DTWD2: variants seen among roughly 807,000 people sequenced by gnomAD.
DTWD2 encodes tRNA-uridine aminocarboxypropyltransferase 2.
A neutral mutation model predicts 31.8 loss-of-function variants in DTWD2; 39 were observed. The observed-to-expected ratio is 1.22, with a 90% CI of 0.95 to 1.60. DTWD2 has a LOEUF of 1.60. Among genes scored for constraint, DTWD2 ranks in the 40% most tolerant of loss-of-function variants. DTWD2 has a pLI of 0.00. For synonymous variants in DTWD2, 180 were observed against 142.8 expected (o/e 1.26, Z -1.86); for missense variants, 515 against 381.5 (o/e 1.35, Z -2.92).
chr5:118,920,133 G>A (rs958702475), intron 4 of DTWD2, among the ~76,000 whole-genome samples: 11 of 152,146 alleles, frequency 7.2e-5, no homozygotes, highest in African/African-American at 2.4e-4. Flanking sequence ...AAAGACTGGG[G>A]ACTGCTGGTT....
intron 5 of DTWD2, among the ~76,000 whole-genome samples, chr5:118,845,037 C>T (rs1431335388): frequency 6.6e-6 from 1 of 152,094 alleles, no homozygotes; most frequent in Non-Finnish European, 1.5e-5. Context: ...GTCCCAGCTA[C>T]TTGGGAGGCT....
rs139112751 is a variant in DTWD2, at chr5:118,982,117, G to A, written c.218+6177C>T. 5.7e-3 allele frequency among the ~76,000 whole-genome samples: 871 copies of A among 152,290 alleles called. 13 individuals carry two copies. The highest frequency in any genetic ancestry group is 0.02 in the African/African-American group (838 of 41,568). On this transcript the variant is annotated intron_variant, in intron 1 of 5. Transcript: ENST00000510708. The stretch of plus-strand genomic sequence containing the variant: ...TTAAACAAAAATGTAAAAGTACTTT[G>A]TAGCCAGTGAACTCTTTTTAAGTGA...
At chr5:118,881,488 T>C (rs1368904291) in intron 4 of DTWD2, among the ~76,000 whole-genome samples, 2 of 152,190 alleles carry the variant, frequency 1.3e-5, no homozygotes, top group Admixed American at 1.3e-4. Flanking sequence ...TTCTAGAACC[T>C]CAATATTTCT....
intron 1 of DTWD2, among the ~76,000 whole-genome samples, chr5:118,953,106 T>A (rs1344966300): frequency 6.6e-6 from 1 of 152,186 alleles, no homozygotes; most frequent in Non-Finnish European, 1.5e-5. Context: ...ACTAGACAGC[T>A]GAGCCCCAGC....
At chr5:118,946,846 T>C (rs1024629104) in intron 1 of DTWD2, among the ~76,000 whole-genome samples, 19 of 152,236 alleles carry the variant, frequency 1.2e-4, no homozygotes, top group African/African-American at 4.6e-4. Flanking sequence ...ATTCAATCGA[T>C]TCTCGTGTCT....
intron 4 of DTWD2, among the ~76,000 whole-genome samples, chr5:118,855,308 CAA>C (rs948928418): frequency 2.0e-5 from 3 of 148,288 alleles, no homozygotes; most frequent in Non-Finnish European, 4.5e-5. Context: ...AAAGAAATTC[CAA>C]AAAAAGACAG....
chr5:118,866,639 C>A (rs1752385609), intron 4 of DTWD2, among the ~76,000 whole-genome samples: 1 of 152,000 alleles, frequency 6.6e-6, no homozygotes, highest in African/African-American at 2.4e-5. Flanking sequence ...CAAATTCAGG[C>A]CGGGGGTGGT....
chr5:118,884,836 C>T, intron 4 of DTWD2, among the ~76,000 whole-genome samples: 1 of 151,544 alleles, frequency 6.6e-6, no homozygotes, highest in East Asian at 1.9e-4. Flanking sequence ...GAAACCCGGC[C>T]TCTACTTAAA....
intron 4 of DTWD2, among the ~76,000 whole-genome samples, chr5:118,886,353 A>G (rs1561441646): frequency 6.6e-6 from 1 of 152,218 alleles, no homozygotes; most frequent in Non-Finnish European, 1.5e-5. Context: ...CAGGCAACTC[A>G]ATGGACAACT....
chr5:118,988,470 A>T lies in DTWD2; in HGVS notation c.42T>A (p.Val14=). 6.2e-7 allele frequency: 1 copy of T among 1,605,634 alleles called. No homozygotes were observed. The highest frequency in any genetic ancestry group is 1.1e-5 in the South Asian group (1 of 90,386). The change falls in exon 1 of 6, where the codon GTT becomes GTA. Residue 14 remains valine (V), a synonymous_variant. Coordinates refer to ENST00000510708, the MANE Select transcript of DTWD2 (RefSeq NM_173666.4). The part of the protein sequence containing the change: ...QKEARTLQEP[V]ARPSGASSSQ... ...AGCTTGAGGCCCCAGAAGGCCGCGC[A>T]ACGGGCTCCTGGAGTGTTCGTGCCT... is the stretch of plus-strand genomic sequence containing the variant.
chr5:118,941,799 T>G (rs1016504284), intron 2 of DTWD2, among the ~76,000 whole-genome samples: 2 of 152,340 alleles, frequency 1.3e-5, no homozygotes, highest in Admixed American at 1.3e-4. Flanking sequence ...CCATCAACAG[T>G]GTAAAAGTGT....
intron 4 of DTWD2, among the ~76,000 whole-genome samples, chr5:118,871,903 G>C (rs1481934531): frequency 1.3e-5 from 2 of 152,146 alleles, no homozygotes; most frequent in Non-Finnish European, 2.9e-5. Flanking sequence ...TCTAATAGAA[G>C]TCTATTTTGT....
At chr5:118,888,242 G>T (rs181511994) in intron 4 of DTWD2, among the ~76,000 whole-genome samples, 1 of 152,072 alleles carries the variant, frequency 6.6e-6, no homozygotes, top group Non-Finnish European at 1.5e-5. Context: ...TACTTCTTGC[G>T]TCTCTCCTTC....
chr5:118,987,826 G>A (rs923035273), intron 1 of DTWD2, among the ~76,000 whole-genome samples: 2 of 152,158 alleles, frequency 1.3e-5, no homozygotes, highest in African/African-American at 2.4e-5. Context: ...CGTATGTAGG[G>A]TTTGAAGAGA....
chr5:118,939,056 G>C, intron 3 of DTWD2, 140 bp downstream of exon 3: 1 of 561,564 alleles, frequency 1.8e-6, no homozygotes, highest in Non-Finnish European at 2.9e-6. Flanking sequence ...TGTGTGGTCA[G>C]GGGTTAGCAG....
At chr5:118,883,650 G>C (rs1481550718) in intron 4 of DTWD2, among the ~76,000 whole-genome samples, 1 of 152,144 alleles carries the variant, frequency 6.6e-6, no homozygotes, top group Non-Finnish European at 1.5e-5. Flanking sequence ...CCACAGGAGA[G>C]AGAGCACACA....
rs1242319945 is a variant in DTWD2 at position 118,837,134 on chromosome 5, C to T, written c.*3783G>A. 6.6e-6 allele frequency among the ~76,000 whole-genome samples: 1 copy of T among 151,762 alleles called. No homozygotes were observed. Among genetic ancestry groups the T allele is most frequent in the Admixed American group, 6.6e-5 (1 of 15,238 alleles). On this transcript the variant is annotated 3_prime_UTR_variant, in exon 6 of 6. Transcript: ENST00000510708. ...AGAATAGTATAAAAGGGAAGGGGAACAATGTAGGTGATGAAAGAGGGAGAG... is the reference window on the plus strand; with the variant it reads ...AGAATAGTATAAAAGGGAAGGGGAATAATGTAGGTGATGAAAGAGGGAGAG...
At chr5:118,890,989 T>C (rs1752966118) in intron 4 of DTWD2, among the ~76,000 whole-genome samples, 1 of 151,342 alleles carries the variant, frequency 6.6e-6, no homozygotes, top group Non-Finnish European at 1.5e-5. Flanking sequence ...AGCAGGAATA[T>C]GATGAGAGCT....
chr5:118,965,238 G>A (rs1020085662), intron 1 of DTWD2, among the ~76,000 whole-genome samples: 2 of 151,332 alleles, frequency 1.3e-5, no homozygotes, highest in Non-Finnish European at 2.9e-5. Context: ...GAGCATCTCC[G>A]CCCGACAGCC....
Sources: allele counts gnomAD v4.1 joint callset (sites outside exome capture counted in the v4.1 genomes callset), GRCh38; gene constraint gnomAD v4.1.1; transcripts MANE v1.5; gene names NCBI Gene and HGNC (gene_info 2026-07-23, HGNC 2026-07-21).